Variants in NELL1 observed in about 807,000 individuals in gnomAD.
NELL1 encodes the protein protein kinase C-binding protein NELL1.
NELL1 carries 76 observed loss-of-function variants against 107.4 expected under a neutral mutation model. The observed-to-expected ratio is 0.71, with a 90% CI of 0.59 to 0.86. The LOEUF (loss-of-function observed/expected upper bound fraction) is 0.86, where lower values mean the gene tolerates loss of function less well. NELL1 is among the 40% of genes least tolerant of loss of function. The pLI, the probability that NELL1 is intolerant of heterozygous loss-of-function variation, is 0.00. For synonymous variants in NELL1, 353 were observed against 341.2 expected (o/e 1.03, Z -0.38); for missense variants, 1,024 against 1,005.5 (o/e 1.02, Z -0.25).
At chr11:20,723,395 C>T (rs1793012) in intron 2 of NELL1, among the ~76,000 whole-genome samples, 1 of 151,814 alleles carries the variant, frequency 6.6e-6, no homozygotes, top group African/African-American at 2.4e-5. Context: ...AAATGGGAGA[C>T]ATTGGCCAAA....
chr11:21,301,915 A>T (rs1290242251), intron 14 of NELL1, among the ~76,000 whole-genome samples: 1 of 152,052 alleles, frequency 6.6e-6, no homozygotes, highest in Admixed American at 6.6e-5. Flanking sequence ...GGCAGGTGTC[A>T]TTATTTACTC....
intron 15 of NELL1, among the ~76,000 whole-genome samples, chr11:21,430,574 T>C (rs1852940737): frequency 6.6e-6 from 1 of 152,184 alleles, no homozygotes; most frequent in South Asian, 2.1e-4. Context: ...GATGAAGTGC[T>C]CTTGTACCAC....
intron 12 of NELL1, among the ~76,000 whole-genome samples, chr11:21,036,045 A>G (rs1345275443): frequency 6.6e-6 from 1 of 152,196 alleles, no homozygotes; most frequent in Non-Finnish European, 1.5e-5. Context: ...AAGTCTCAGG[A>G]TACAAAATAA....
At chr11:21,456,752 A>G (rs1853755145) in intron 15 of NELL1, among the ~76,000 whole-genome samples, 1 of 152,194 alleles carries the variant, frequency 6.6e-6, no homozygotes, top group South Asian at 2.1e-4. Flanking sequence ...TGTAGCAGAA[A>G]TGTTGAAAGG....
intron 14 of NELL1, among the ~76,000 whole-genome samples, chr11:21,361,469 T>A (rs1247401936): frequency 6.6e-6 from 1 of 152,142 alleles, no homozygotes; most frequent in African/African-American, 2.4e-5. Flanking sequence ...GCCTATGTGA[T>A]GGTCTTTTTG....
intron 14 of NELL1, among the ~76,000 whole-genome samples, chr11:21,347,275 A>C (rs548661125): frequency 2.0e-5 from 3 of 152,236 alleles, no homozygotes; most frequent in Non-Finnish European, 2.9e-5. Flanking sequence ...TAAAGGCCCT[A>C]AAGTGGAAAA....
At chr11:21,222,763 T>G (rs1385100139) in intron 13 of NELL1, among the ~76,000 whole-genome samples, 1 of 152,154 alleles carries the variant, frequency 6.6e-6, no homozygotes, top group African/African-American at 2.4e-5. Flanking sequence ...TTTTTATGAT[T>G]TCCATCTTAA....
chr11:21,323,886 A>C (rs1158648135), intron 14 of NELL1, among the ~76,000 whole-genome samples: 3 of 152,136 alleles, frequency 2.0e-5, no homozygotes, highest in African/African-American at 4.8e-5. Context: ...TTGAGCAAAA[A>C]TATGTTGAAT....
At chr11:20,779,651 C>A (rs771169436) in intron 2 of NELL1, among the ~76,000 whole-genome samples, 1 of 152,180 alleles carries the variant, frequency 6.6e-6, no homozygotes, top group Non-Finnish European at 1.5e-5. Flanking sequence ...TAAGAGTTGA[C>A]AACTTTATGT....
At chr11:21,361,378 T>C (rs1216465671) in intron 14 of NELL1, among the ~76,000 whole-genome samples, 3 of 151,808 alleles carry the variant, frequency 2.0e-5, no homozygotes, top group Non-Finnish European at 2.9e-5. Context: ...GATTTTCCTT[T>C]ATAGGTTAAC....
intron 5 of NELL1, among the ~76,000 whole-genome samples, chr11:20,900,501 G>A (rs1169631636): frequency 1.3e-5 from 2 of 152,056 alleles, no homozygotes; most frequent in East Asian, 3.9e-4. Flanking sequence ...AAATAACCAC[G>A]AGGCTCACAC....
rs796083393 is a variant in NELL1, at chr11:20,931,162, T to A, written c.997+2683T>A. Among the ~76,000 whole-genome samples, 10 of 152,004 alleles carry A rather than the reference T, an allele frequency of 6.6e-5. No homozygotes were observed. The East Asian group carries it at 1.9e-3, about 29-fold the overall frequency. ...AGACGTGGTTTACAGTGTCTGGAAC[T>A]GTAAGTGCACTAACATTAGGCATGT... On this transcript the variant is annotated intron_variant, in intron 9 of 19. Coordinates refer to ENST00000357134, the MANE Select transcript of NELL1 (RefSeq NM_006157.5).
chr11:21,374,224 T>C (rs1204533437), intron 15 of NELL1, among the ~76,000 whole-genome samples: 1 of 152,066 alleles, frequency 6.6e-6, no homozygotes, highest in East Asian at 1.9e-4. Context: ...TCTCATAGTT[T>C]CTATGGTTTG....
Position 21,229,334 on chromosome 11 carries a change from C to T in NELL1, c.1429C>T (p.His477Tyr), listed in dbSNP as rs935154849. 1.2e-6 allele frequency: 2 copies of T among 1,613,834 alleles called. No homozygotes were observed. The highest frequency in any genetic ancestry group is 2.2e-5 in the East Asian group (1 of 44,810). The change falls in exon 14 of 20, where the codon CAC (histidine) becomes TAC (tyrosine). Residue 477 changes from histidine to tyrosine, a missense_variant and splice_region_variant. Coordinates refer to ENST00000357134, the MANE Select transcript of NELL1 (RefSeq NM_006157.5). ...TTTTTCTCTCACCCTGGAAACAGAA[C>T]ACGATGAATGTGGCAGCGGCCAGCA... ...IRVDDFSCTE[H>Y]DECGSGQHNC...
chr11:21,095,437 T>C (rs1215067977), intron 12 of NELL1, among the ~76,000 whole-genome samples: 2 of 152,132 alleles, frequency 1.3e-5, no homozygotes, highest in East Asian at 3.9e-4. Context: ...TTTTCAGCAG[T>C]GCCCCACTCT....
In NELL1 at chr11:20,937,387, A is replaced by C. The variant is rs556745523; in HGVS notation, c.998-399A>C. On this transcript the variant is annotated intron_variant, in intron 9 of 19. Coordinates refer to ENST00000357134, the MANE Select transcript of NELL1 (RefSeq NM_006157.5). ...TCCATTGTGGCTGAGGTTCTGAGGA[A>C]TGGAATATATGTGAGTCCCCTTTCA... Among the ~76,000 whole-genome samples the C allele has an allele frequency of 2.0e-5, 3 of 152,340 alleles. No homozygotes were observed. In the South Asian group the frequency reaches 6.2e-4, roughly 32 times the overall value.
intron 13 of NELL1, among the ~76,000 whole-genome samples, chr11:21,228,073 A>G (rs888128202): frequency 3.3e-5 from 5 of 152,108 alleles, no homozygotes; most frequent in Non-Finnish European, 7.4e-5. Flanking sequence ...TGGAATTTCT[A>G]TTCTTGTTTT....
intron 2 of NELL1, among the ~76,000 whole-genome samples, chr11:20,755,559 T>TTTATTTA (rs1337491294): frequency 2.8e-4 from 5 of 17,668 alleles, no homozygotes; most frequent in South Asian, 3.6e-3. Flanking sequence ...TGTTTTTGTT[T>TTTATTTA]TTGTTTTTTT....
At chr11:20,692,938 A>C (rs1056433916) in intron 2 of NELL1, among the ~76,000 whole-genome samples, 1 of 152,100 alleles carries the variant, frequency 6.6e-6, no homozygotes, top group African/African-American at 2.4e-5. Context: ...TTTGTGGGTC[A>C]TTCAGGACTT....
Sources: allele counts gnomAD v4.1 joint callset (sites outside exome capture counted in the v4.1 genomes callset), GRCh38; gene constraint gnomAD v4.1.1; transcripts MANE v1.5; gene names NCBI Gene and HGNC (gene_info 2026-07-23, HGNC 2026-07-21).